The following KLF17 variants were observed in gnomAD, a reference collection of about 807,000 sequenced individuals.
KLF17 encodes Krueppel-like factor 17.
KLF17 carries 31 observed loss-of-function variants against 34.2 expected under a neutral mutation model. That is an observed-to-expected ratio of 0.91 (90% confidence interval 0.68 to 1.22). KLF17 has a LOEUF of 1.22. KLF17 is among the 50% of genes most tolerant of loss of function. The pLI, the probability that KLF17 is intolerant of heterozygous loss-of-function variation, is 0.00. For synonymous variants in KLF17, 179 were observed against 186.7 expected (o/e 0.96, Z 0.34); for missense variants, 478 against 505.2 (o/e 0.95, Z 0.52).
the KLF17 span, chr1:44,105,288 G>A: frequency 1.3e-5 from 2 of 152,020 alleles, no homozygotes; most frequent in African/African-American, 4.8e-5. Flanking sequence ...TGGGGTGCTG[G>A]GTAAATTCTA....
chr1:44,049,782 C>T, the KLF17 span, among the ~76,000 whole-genome samples: 3 of 152,188 alleles, frequency 2.0e-5, no homozygotes, highest in Non-Finnish European at 4.4e-5. Context: ...CGTACCCGGC[C>T]TATGTATTGT....
intron 1 of KLF17, among the ~76,000 whole-genome samples, chr1:44,120,569 A>G (rs934556502): frequency 6.6e-6 from 1 of 152,228 alleles, no homozygotes; most frequent in African/African-American, 2.4e-5. Context: ...GGAAGTCATC[A>G]GTGGTGACCT....
the KLF17 span, chr1:44,104,623 G>A: frequency 1.8e-6 from 1 of 541,630 alleles, no homozygotes; most frequent in Non-Finnish European, 3.4e-6. Flanking sequence ...CTCTGCCCAG[G>A]CCAGCCCAGA....
the KLF17 span, among the ~76,000 whole-genome samples, chr1:44,079,307 C>CTTTTTTTTTTT: frequency 0.046 from 6,409 of 139,722 alleles, 163 homozygotes; most frequent in Non-Finnish European, 0.067. Flanking sequence ...TTTTCTTCTC[C>CTTTTTTTTTTT]TTTTTTTTTT....
Position 44,129,810 on chromosome 1 carries a change from C to A in KLF17, c.539C>A (p.Pro180His). The A allele has an allele frequency of 6.2e-7, 1 of 1,614,220 alleles. No individual in the cohort carries two copies. The highest frequency in any genetic ancestry group is 8.5e-7 in the Non-Finnish European group (1 of 1,180,052). Residue 180 changes from proline to histidine, a missense_variant, in exon 2 of 4, where the codon CCT becomes CAT. Physicochemically the swap from Pro to His is moderately conservative, Grantham distance 77 (BLOSUM62 -2). Transcript: ENST00000372299. Reference sequence around the variant, plus strand: ...ACTGGGAACCCTCCAGTGCCTTACCCTGGCCTCTCGACAGTACCTTCTGAC... The same window carrying A: ...ACTGGGAACCCTCCAGTGCCTTACCATGGCCTCTCGACAGTACCTTCTGAC... ...SHTGNPPVPYPGLSTVPSDET... is the reference protein window; with the variant it reads ...SHTGNPPVPYHGLSTVPSDET...
the KLF17 span, among the ~76,000 whole-genome samples, chr1:44,096,653 G>T: frequency 1.9e-3 from 282 of 152,020 alleles, 1 homozygote; most frequent in Middle Eastern, 3.4e-3. Context: ...GCTCATCTTG[G>T]CCTCCCAAAG....
At chr1:44,056,793 A>G in the KLF17 span, among the ~76,000 whole-genome samples, 2 of 152,154 alleles carry the variant, frequency 1.3e-5, no homozygotes, top group Non-Finnish European at 2.9e-5. Context: ...GAAGCCAGTA[A>G]GTTTACCTTG....
chr1:44,069,079 T>C, the KLF17 span, among the ~76,000 whole-genome samples: 1 of 152,160 alleles, frequency 6.6e-6, no homozygotes, highest in African/African-American at 2.4e-5. This position sits in a 1 kb window ranked among gnomAD's most constrained non-coding sequence, Gnocchi z 4.7. Context: ...ATCACTCATG[T>C]GGAGAGGTAA....
chr1:44,129,832 T>C lies in KLF17; in HGVS notation c.561T>C (p.Ser187=), dbSNP rs1292369023. 6.2e-7 allele frequency: 1 copy of C among 1,614,218 alleles called. No individual in the cohort carries two copies. Among genetic ancestry groups the C allele is most frequent in the South Asian group, 1.1e-5 (1 of 91,088 alleles). Residue 187 remains serine, a synonymous_variant, in exon 2 of 4, where the codon TCT becomes TCC. Coordinates refer to ENST00000372299, the MANE Select transcript of KLF17 (RefSeq NM_173484.4). The part of the protein sequence containing the change: ...VPYPGLSTVP[S]DETLLGPTVP... ...ACCCTGGCCTCTCGACAGTACCTTC[T>C]GACGAAACATTGTTGGGCCCGACTG...
At chr1:44,128,050 C>T (rs541595819) in intron 1 of KLF17, among the ~76,000 whole-genome samples, 149 of 152,032 alleles carry the variant, frequency 9.8e-4, no homozygotes, top group African/African-American at 3.5e-3. Flanking sequence ...AACTCAAGAG[C>T]TCCCTCTTCT....
At chr1:44,082,323 A>T in the KLF17 span, among the ~76,000 whole-genome samples, 1 of 152,270 alleles carries the variant, frequency 6.6e-6, no homozygotes, top group Non-Finnish European at 1.5e-5. Flanking sequence ...AACATTCATT[A>T]TAATTACATT....
the KLF17 span, among the ~76,000 whole-genome samples, chr1:44,094,864 T>G: frequency 6.6e-6 from 1 of 152,144 alleles, no homozygotes; most frequent in African/African-American, 2.4e-5. Context: ...GAATATTTTT[T>G]TCTAGTTTTG....
chr1:44,107,626 G>A, the KLF17 span, among the ~76,000 whole-genome samples: 14 of 152,120 alleles, frequency 9.2e-5, no homozygotes, highest in African/African-American at 3.4e-4. Flanking sequence ...CCTTTGTCCA[G>A]CATTTCCACT....
chr1:44,131,043 C>T (rs1348493860), intron 3 of KLF17, among the ~76,000 whole-genome samples: 11 of 152,210 alleles, frequency 7.2e-5, no homozygotes, highest in Non-Finnish European at 1.5e-4. Context: ...GATCCGCCCA[C>T]GCTGGCCTCC....
chr1:44,122,236 C>T (rs2087955278), intron 1 of KLF17: 1 of 1,604,392 alleles, frequency 6.2e-7, no homozygotes, highest in Non-Finnish European at 8.5e-7. Context: ...GCAACAGCTT[C>T]CCTTTTCTTA....
the KLF17 span, among the ~76,000 whole-genome samples, chr1:44,070,900 T>C: frequency 6.6e-6 from 1 of 152,140 alleles, no homozygotes; most frequent in Non-Finnish European, 1.5e-5. Context: ...GAAAGTTTAT[T>C]TTAATTTTAA....
the KLF17 span, among the ~76,000 whole-genome samples, chr1:44,068,681 A>G: frequency 6.6e-6 from 1 of 152,332 alleles, no homozygotes; most frequent in South Asian, 2.1e-4. Flanking sequence ...CTGCCCTCAC[A>G]GGAAGCTTTA....
intron 1 of KLF17, among the ~76,000 whole-genome samples, chr1:44,127,642 C>CTTTCT (rs2088029347): frequency 1.9e-4 from 9 of 48,522 alleles, no homozygotes; most frequent in African/African-American, 8.8e-4. Flanking sequence ...TTCTTTCCTT[C>CTTTCT]TTTCTTTCTT....
At chr1:44,099,895 A>G in the KLF17 span, among the ~76,000 whole-genome samples, 2 of 68,830 alleles carry the variant, frequency 2.9e-5, no homozygotes, top group Non-Finnish European at 6.8e-5. Flanking sequence ...GAAAGAAAGA[A>G]AGAAAGAAAG....
Sources: allele counts gnomAD v4.1 joint callset (sites outside exome capture counted in the v4.1 genomes callset), GRCh38; gene constraint gnomAD v4.1.1; non-coding constraint Gnocchi (gnomAD v3.1); transcripts MANE v1.5; gene names NCBI Gene and HGNC (gene_info 2026-07-23, HGNC 2026-07-21).